The following RBMS3 variants were observed in gnomAD, a reference collection of about 807,000 sequenced individuals.
RBMS3 encodes RNA-binding motif, single-stranded-interacting protein 3.
A neutral mutation model predicts 66.8 loss-of-function variants in RBMS3; 27 were observed. The observed-to-expected ratio is 0.40, with a 90% CI of 0.30 to 0.56. The LOEUF is 0.56. Ranked by LOEUF, RBMS3 falls within the 20% of genes least tolerant of loss-of-function variation. The pLI is 0.40. For synonymous variants in RBMS3, 188 were observed against 183.0 expected (o/e 1.03, Z -0.22); for missense variants, 513 against 549.5 (o/e 0.93, Z 0.66).
At chr3:29,996,446 C>T (rs1439978463) in intron 14 of RBMS3, among the ~76,000 whole-genome samples, 1 of 150,092 alleles carries the variant, frequency 6.7e-6, no homozygotes, top group Non-Finnish European at 1.5e-5. Context: ...ACTCTCCACC[C>T]CAAATCAACA....
chr3:29,550,993 A>G (rs114162263), intron 3 of RBMS3, among the ~76,000 whole-genome samples: 1 of 152,202 alleles, frequency 6.6e-6, no homozygotes, highest in Admixed American at 6.5e-5. Context: ...CATTCTCTCT[A>G]TGACATTTAT....
chr3:29,884,320 A>C (rs2059807501), intron 8 of RBMS3, 112 bp downstream of exon 8: 2 of 1,003,682 alleles, frequency 2.0e-6, no homozygotes, highest in Non-Finnish European at 3.0e-6. Context: ...ATCCTTAAAC[A>C]CAAAGTTTAA....
At chr3:29,985,052 A>G (rs1050498971) in intron 12 of RBMS3, among the ~76,000 whole-genome samples, 1 of 152,062 alleles carries the variant, frequency 6.6e-6, no homozygotes, top group Admixed American at 6.5e-5. Context: ...TTTATCTACA[A>G]CCCCTAACTG....
chr3:29,428,367 G>T (rs912633436), intron 1 of RBMS3, among the ~76,000 whole-genome samples: 9 of 152,040 alleles, frequency 5.9e-5, no homozygotes, highest in African/African-American at 2.2e-4. Flanking sequence ...CTAAAACAGA[G>T]AATTATCTTG....
chr3:29,294,268 A>G (rs568015303), intron 1 of RBMS3, among the ~76,000 whole-genome samples: 18 of 151,944 alleles, frequency 1.2e-4, no homozygotes, highest in African/African-American at 4.3e-4. Context: ...GTCAAAAGAC[A>G]TCTTTTTTAC....
chr3:29,512,671 C>T (rs1183666185), intron 3 of RBMS3, among the ~76,000 whole-genome samples: 4 of 152,174 alleles, frequency 2.6e-5, no homozygotes, highest in Admixed American at 2.0e-4. Context: ...AAATAACCCA[C>T]ACCAAACAAA....
rs544588705 is a variant in RBMS3, at chr3:29,896,377, C to A, written c.792-1002C>A. ...CTCAGTCATACTATTAAAAAAAAAA[C>A]AAAACATAGTAATTGAGTTTTGCTA... On this transcript the variant is annotated intron_variant, in intron 8 of 14. Coordinates refer to ENST00000383767, the MANE Select transcript of RBMS3 (RefSeq NM_001003793.3). 1.5e-3 allele frequency among the ~76,000 whole-genome samples: 231 copies of A among 150,918 alleles called. No homozygotes were observed. The Middle Eastern group carries it at 0.017, about 11-fold the overall frequency.
chr3:29,537,032 T>G (rs907546371), intron 3 of RBMS3, among the ~76,000 whole-genome samples: 25 of 152,236 alleles, frequency 1.6e-4, no homozygotes, highest in African/African-American at 5.8e-4. Context: ...ATGTGTGCTT[T>G]CTTTCTTGAA....
chr3:29,420,624 G>T (rs1439853041), intron 1 of RBMS3, among the ~76,000 whole-genome samples: 3 of 148,148 alleles, frequency 2.0e-5, no homozygotes, highest in Non-Finnish European at 3.0e-5. Flanking sequence ...CTTTTCCCTT[G>T]TTTTTTTTTT....
At chr3:29,481,129 T>A (rs2043115684) in intron 2 of RBMS3, among the ~76,000 whole-genome samples, 1 of 152,208 alleles carries the variant, frequency 6.6e-6, no homozygotes, top group South Asian at 2.1e-4. Flanking sequence ...AGTGCCTCCC[T>A]CATGGGTTTG....
In RBMS3 at chr3:29,578,594, A is replaced by G. The variant is rs3821574; in HGVS notation, c.308-8520A>G. On this transcript the variant is annotated intron_variant, in intron 3 of 14. Coordinates refer to ENST00000383767, the MANE Select transcript of RBMS3 (RefSeq NM_001003793.3). ...ATGAGTATAAATTAGGAAGTGCACAATTGTAGTTAGATAGAACCTTTTATC... is the reference window on the plus strand; with the variant it reads ...ATGAGTATAAATTAGGAAGTGCACAGTTGTAGTTAGATAGAACCTTTTATC... Among the ~76,000 whole-genome samples the G allele has an allele frequency of 6.8e-3, 1,023 of 150,694 alleles. 28 individuals are homozygous for G. The highest frequency in any genetic ancestry group is 0.054 in the Admixed American group (819 of 15,098).
intron 4 of RBMS3, among the ~76,000 whole-genome samples, chr3:29,622,496 C>G (rs1328380623): frequency 2.0e-5 from 3 of 152,114 alleles, no homozygotes; most frequent in Admixed American, 2.0e-4. Flanking sequence ...GAGAGACAGC[C>G]TTACATAATA....
chr3:29,737,114 C>A (rs1026598966), intron 4 of RBMS3, among the ~76,000 whole-genome samples: 1 of 151,926 alleles, frequency 6.6e-6, no homozygotes, highest in Non-Finnish European at 1.5e-5. Flanking sequence ...GTAGCTGGGA[C>A]TACAGGCGCC....
At chr3:29,367,466 G>A in intron 1 of RBMS3, among the ~76,000 whole-genome samples, 1 of 151,984 alleles carries the variant, frequency 6.6e-6, no homozygotes, top group Non-Finnish European at 1.5e-5. Context: ...CAATATAAAA[G>A]CATTGGTATA....
intron 6 of RBMS3, among the ~76,000 whole-genome samples, chr3:29,826,431 T>A (rs1164356364): frequency 6.6e-6 from 1 of 152,170 alleles, no homozygotes; most frequent in African/African-American, 2.4e-5. Context: ...TCGCCATCTA[T>A]TAGGATCTCT....
chr3:29,556,287 G>A (rs1427697166), intron 3 of RBMS3: 1 of 152,176 alleles, frequency 6.6e-6, no homozygotes, highest in South Asian at 2.1e-4. Flanking sequence ...CTCTGGAGGA[G>A]CTAAGTATAT....
At chr3:29,846,804 C>T (rs547834858) in intron 6 of RBMS3, among the ~76,000 whole-genome samples, 1 of 151,748 alleles carries the variant, frequency 6.6e-6, no homozygotes. Context: ...CATCCAACGC[C>T]CAAATGAATT....
At chr3:29,881,561 T>G (rs912859889) in intron 7 of RBMS3, among the ~76,000 whole-genome samples, 2 of 152,152 alleles carry the variant, frequency 1.3e-5, no homozygotes, top group African/African-American at 4.8e-5. Context: ...CAAAACATGA[T>G]TTCCACTGTA....
intron 4 of RBMS3, among the ~76,000 whole-genome samples, chr3:29,663,259 G>A (rs909227045): frequency 4.2e-5 from 6 of 144,300 alleles, no homozygotes; most frequent in Non-Finnish European, 7.7e-5. Context: ...GAGACAGATA[G>A]TGCTTTAATT....
Sources: allele counts gnomAD v4.1 joint callset (sites outside exome capture counted in the v4.1 genomes callset), GRCh38; gene constraint gnomAD v4.1.1; transcripts MANE v1.5; gene names NCBI Gene and HGNC (gene_info 2026-07-23, HGNC 2026-07-21).